The following SGCZ variants were observed in gnomAD, a reference collection of about 807,000 sequenced individuals.
The protein encoded by SGCZ is zeta-sarcoglycan.
A neutral mutation model predicts 41.3 loss-of-function variants in SGCZ; 40 were observed. The observed-to-expected ratio is 0.97, with a 90% CI of 0.75 to 1.26. The LOEUF (loss-of-function observed/expected upper bound fraction) is 1.26, where lower values mean the gene tolerates loss of function less well. Among genes scored for constraint, SGCZ ranks in the 50% most tolerant of loss-of-function variants. SGCZ has a pLI of 0.00. For synonymous variants in SGCZ, 206 were observed against 137.5 expected, an observed-to-expected ratio of 1.50 and a Z score of -3.49; for missense variants, 552 against 369.8, an observed-to-expected ratio of 1.49 and a Z score of -4.04.
intron 1 of SGCZ, among the ~76,000 whole-genome samples, chr8:15,022,290 G>C (rs1178517789): frequency 2.0e-5 from 3 of 152,100 alleles, no homozygotes; most frequent in African/African-American, 7.2e-5. Context: ...AGAAAATGTT[G>C]AGAAATTTAG....
rs7009417 is a variant in SGCZ, at chr8:14,762,861, A to T, written c.40-207935T>A. ...CTTCAAATGATCAGTTAGTATAACAAGATAGAAAGAGCATAGGGTTTGGAG... is the reference window on the plus strand; with the variant it reads ...CTTCAAATGATCAGTTAGTATAACATGATAGAAAGAGCATAGGGTTTGGAG... On this transcript the variant is annotated intron_variant, in intron 1 of 7. Coordinates refer to ENST00000382080, the MANE Select transcript of SGCZ (RefSeq NM_139167.4). Among the ~76,000 whole-genome samples the T allele has an allele frequency of 5.7e-3, 866 of 152,344 alleles. 13 individuals are homozygous for T. The highest frequency in any genetic ancestry group is 0.02 in the African/African-American group (822 of 41,586).
chr8:14,384,141 G>T (rs1804478398), intron 2 of SGCZ, among the ~76,000 whole-genome samples: 1 of 151,910 alleles, frequency 6.6e-6, no homozygotes, highest in Admixed American at 6.6e-5. Flanking sequence ...ACAGTCCCCA[G>T]TGTGTGATGT....
intron 1 of SGCZ, among the ~76,000 whole-genome samples, chr8:15,145,675 A>G (rs535352): frequency 0.9 from 137,229 of 152,100 alleles, 63,145 homozygotes; most frequent in East Asian, 1. Context: ...GGCTGGTCTC[A>G]AACTCCTAGG....
chr8:14,148,894 A>T lies in SGCZ; in HGVS notation c.547+15686T>A, dbSNP rs143093336. On this transcript the variant is annotated intron_variant, in intron 5 of 7. Transcript: ENST00000382080. ...AGGATAGTTCAACATGCACAAACCA[A>T]TCGATGTGGTACATCAAGTCAACAG... Among the ~76,000 whole-genome samples, 135 of 152,240 alleles carry T rather than the reference A, an allele frequency of 8.9e-4. 2 individuals are homozygous for T. The East Asian group carries it at 0.014, about 16-fold the overall frequency.
At chr8:14,922,567 G>A (rs1326018342) in intron 1 of SGCZ, among the ~76,000 whole-genome samples, 5 of 152,042 alleles carry the variant, frequency 3.3e-5, no homozygotes, top group Non-Finnish European at 7.4e-5. Context: ...CTATTCTCCT[G>A]CCTCAGCCTC....
intron 1 of SGCZ, among the ~76,000 whole-genome samples, chr8:14,684,690 TC>T (rs150568399): frequency 0.35 from 53,489 of 151,404 alleles, 11,996 homozygotes; most frequent in African/African-American, 0.64. Context: ...CCTTTGTTTT[TC>T]CTTTTTTTGT....
chr8:14,318,448 C>G (rs936131524), intron 3 of SGCZ, among the ~76,000 whole-genome samples: 2 of 151,758 alleles, frequency 1.3e-5, no homozygotes, highest in Admixed American at 6.6e-5. Flanking sequence ...TTTCATAGCA[C>G]CACAGACCAT....
At chr8:15,025,827 G>T (rs975650625) in intron 1 of SGCZ, among the ~76,000 whole-genome samples, 1 of 152,152 alleles carries the variant, frequency 6.6e-6, no homozygotes, top group Non-Finnish European at 1.5e-5. Context: ...AACTCTACAT[G>T]TAAAGTAATC....
chr8:14,745,209 G>C (rs558706049), intron 1 of SGCZ, among the ~76,000 whole-genome samples: 1 of 151,246 alleles, frequency 6.6e-6, no homozygotes, highest in Admixed American at 6.6e-5. Context: ...TAACACTACT[G>C]TGTGTGTGTG....
chr8:14,388,080 C>A (rs569553441), intron 2 of SGCZ, among the ~76,000 whole-genome samples: 1 of 152,056 alleles, frequency 6.6e-6, no homozygotes, highest in East Asian at 1.9e-4. Context: ...GGAAAAGGAA[C>A]AATTTGATGT....
intron 4 of SGCZ, among the ~76,000 whole-genome samples, chr8:14,221,617 A>C (rs1585246624): frequency 6.6e-6 from 1 of 152,166 alleles, no homozygotes; most frequent in Non-Finnish European, 1.5e-5. Context: ...TTAATCCCAC[A>C]GTTAGTTATC....
chr8:14,189,141 G>A (rs1316900566), intron 4 of SGCZ, among the ~76,000 whole-genome samples: 1 of 151,880 alleles, frequency 6.6e-6, no homozygotes, highest in African/African-American at 2.4e-5. Context: ...TTACAGGCGT[G>A]AGCCACTGCA....
chr8:14,613,204 A>T (rs2117345909), intron 1 of SGCZ, among the ~76,000 whole-genome samples: 1 of 152,280 alleles, frequency 6.6e-6, no homozygotes, highest in South Asian at 2.1e-4. Context: ...GTCACAACAT[A>T]ATTTTTATAA....
chr8:14,554,785 T>C lies in SGCZ; in HGVS notation c.181A>G (p.Ile61Val), dbSNP rs376555382. The change falls in exon 2 of 8, where the codon ATA becomes GTA. Residue 61 changes from isoleucine (I) to valine (V), a missense_variant. Ile to Val is a conservative substitution (Grantham distance 29). Transcript: ENST00000382080. ...FFVLLLLVTM[I>V]VNLAMTIWIL... ...CATATTGTCATGGCTAAGTTAACTATCATGGTAACCAACAGCAGAAGGACA... is the reference window on the plus strand; with the variant it reads ...CATATTGTCATGGCTAAGTTAACTACCATGGTAACCAACAGCAGAAGGACA... The C allele has an allele frequency of 5.0e-6, 8 of 1,613,108 alleles. No homozygotes were observed. In the African/African-American group the frequency reaches 5.3e-5, roughly 11 times the overall value.
At chr8:14,918,802 A>C (rs1321259525) in intron 1 of SGCZ, among the ~76,000 whole-genome samples, 4 of 152,210 alleles carry the variant, frequency 2.6e-5, no homozygotes, top group African/African-American at 9.6e-5. Flanking sequence ...TTTAACTAAG[A>C]ACAGTAGTGC....
intron 1 of SGCZ, among the ~76,000 whole-genome samples, chr8:14,823,666 A>C (rs566265718): frequency 1.3e-4 from 20 of 152,308 alleles, no homozygotes; most frequent in Non-Finnish European, 2.8e-4. Context: ...AAAACAGTAT[A>C]GGAGTTCTTC....
chr8:14,251,734 G>GA (rs374956636), intron 3 of SGCZ, among the ~76,000 whole-genome samples: 2 of 152,016 alleles, frequency 1.3e-5, no homozygotes, highest in East Asian at 1.9e-4. Context: ...TCATAAAAAG[G>GA]AAAAAAATTC....
chr8:15,146,601 G>A (rs1397724655), intron 1 of SGCZ, among the ~76,000 whole-genome samples: 1 of 152,194 alleles, frequency 6.6e-6, no homozygotes, highest in Non-Finnish European at 1.5e-5. Flanking sequence ...TGTAGCTTTA[G>A]TGTTATAATT....
intron 1 of SGCZ, among the ~76,000 whole-genome samples, chr8:14,561,104 A>G (rs527473496): frequency 2.0e-5 from 3 of 152,092 alleles, no homozygotes; most frequent in Non-Finnish European, 4.4e-5. Context: ...TGGCTGTTTT[A>G]GTGCAATAGT....
Sources: gnomAD v4.1 joint callset for allele counts (sites outside exome capture counted in the v4.1 genomes callset) on GRCh38, gnomAD v4.1.1 for gene constraint, MANE v1.5 for transcripts, NCBI Gene and HGNC (gene_info 2026-07-23, HGNC 2026-07-21) for gene names.